Variants in HPN observed in about 807,000 individuals in gnomAD.
The protein encoded by HPN is serine protease hepsin.
In HPN, 13 loss-of-function variants were observed where a neutral mutation model predicts 55.9. That is an observed-to-expected ratio of 0.23 (90% CI 0.15 to 0.37). The LOEUF is 0.37. Among genes scored for constraint, HPN ranks in the 10% least tolerant of loss-of-function variants. HPN has a pLI of 1.00. For missense variants in HPN, 451 were observed against 575.8 expected (o/e 0.78, Z 2.22); for synonymous variants, 225 against 240.3 (o/e 0.94, Z 0.59).
chr19:35,040,763 A>G (rs2151749800), upstream of HPN, among the ~76,000 whole-genome samples: 1 of 151,958 alleles, frequency 6.6e-6, no homozygotes, highest in South Asian at 2.1e-4. Context: ...GGAAGGAGAG[A>G]CGGGTATGGA....
intron 4 of HPN, among the ~76,000 whole-genome samples, chr19:35,050,722 G>T: frequency 6.6e-6 from 1 of 152,048 alleles, no homozygotes; most frequent in South Asian, 2.1e-4. Context: ...TTCCATAAAG[G>T]ATTCAGTTCA....
chr19:35,063,297 G>T (rs536579010), intron 9 of HPN, among the ~76,000 whole-genome samples: 2 of 152,386 alleles, frequency 1.3e-5, no homozygotes, highest in African/African-American at 4.8e-5. Context: ...ACGCTGTGGT[G>T]ACGGAGAATC....
At chr19:35,045,971 T>G (rs756694736) in intron 2 of HPN, among the ~76,000 whole-genome samples, 1 of 152,182 alleles carries the variant, frequency 6.6e-6, no homozygotes, top group Non-Finnish European at 1.5e-5. Context: ...CCACCAGATG[T>G]GCCAAGGCCT....
chr19:35,049,864 T>TG (rs1448343652), intron 4 of HPN, among the ~76,000 whole-genome samples: 8 of 149,096 alleles, frequency 5.4e-5, no homozygotes, highest in African/African-American at 1.9e-4. Flanking sequence ...TTTGTTTGTT[T>TG]TTTTTTTTTT....
At chr19:35,052,005 G>T (rs2064410526) in intron 4 of HPN, among the ~76,000 whole-genome samples, 1 of 152,108 alleles carries the variant, frequency 6.6e-6, no homozygotes, top group Non-Finnish European at 1.5e-5. Flanking sequence ...CCTCACACTG[G>T]CTTCTAGCAC....
chr19:35,049,428 C>A lies in HPN; in HGVS notation c.118+37C>A, dbSNP rs2064380065. ...TCCTGTGCCTCTGACCTCCCCTGGC[C>A]CCTGCAGCCTCCAGCCTGCCTGCCC... On this transcript the variant is annotated intron_variant, in intron 3 of 12. Coordinates refer to ENST00000672452, the MANE Select transcript of HPN (RefSeq NM_001384133.1). 1.9e-6 allele frequency: 3 copies of A among 1,612,642 alleles called. No individual in the cohort carries two copies. In the South Asian group the frequency reaches 3.3e-5, roughly 18 times the overall value.
At chr19:35,048,335 TCTC>T (rs1220357972) in intron 2 of HPN, among the ~76,000 whole-genome samples, 1 of 152,206 alleles carries the variant, frequency 6.6e-6, no homozygotes, top group African/African-American at 2.4e-5. Flanking sequence ...TGACCCCACT[TCTC>T]TGAGCTATCT....
upstream of HPN, among the ~76,000 whole-genome samples, chr19:35,040,945 C>T (rs2064287431): frequency 2.0e-5 from 3 of 152,114 alleles, no homozygotes; most frequent in South Asian, 4.1e-4. Context: ...CAGCCGAGGC[C>T]GACTGTGTCC....
At chr19:35,059,528 T>C (rs1203203257) in intron 4 of HPN, 145 bp from the exon 5 acceptor site, 2 of 993,632 alleles carry the variant, frequency 2.0e-6, no homozygotes, top group Non-Finnish European at 1.5e-6. Context: ...CAATCGCAGA[T>C]GTGGGGGCTG....
At chr19:35,052,534 C>CAAAAAAAAAAA (rs5827918) in intron 4 of HPN, among the ~76,000 whole-genome samples, 1 of 84,562 alleles carries the variant, frequency 1.2e-5, no homozygotes. Flanking sequence ...GAGTCTGTCT[C>CAAAAAAAAAAA]AAAAAAAAAA....
At chr19:35,057,893 A>G (rs1337621203) in intron 4 of HPN, among the ~76,000 whole-genome samples, 1 of 152,044 alleles carries the variant, frequency 6.6e-6, no homozygotes, top group African/African-American at 2.4e-5. Context: ...GCTCACACCT[A>G]TAATCGCAGC....
intron 4 of HPN, among the ~76,000 whole-genome samples, chr19:35,055,408 A>AT (rs2064445198): frequency 6.6e-6 from 1 of 150,418 alleles, no homozygotes; most frequent in Non-Finnish European, 1.5e-5. Context: ...AAAAAGAAAA[A>AT]AAAAAGTGGC....
At chr19:35,065,794 G>A (rs1011458771) in intron 11 of HPN, 74 bp from the exon 12 acceptor site, 3 of 1,557,404 alleles carry the variant, frequency 1.9e-6, no homozygotes, top group Non-Finnish European at 2.6e-6. Context: ...TGGGGCCACA[G>A]CCCATGTCAT....
rs1243247456 is a variant in HPN at position 35,058,542 on chromosome 19, GTAT to G, written c.161-1127_161-1125del. 6.1e-3 allele frequency among the ~76,000 whole-genome samples: 886 copies of G among 145,136 alleles called. 2 individuals carry two copies. Among genetic ancestry groups the G allele is most frequent in the African/African-American group, 0.021 (821 of 39,836 alleles). ...AATATTATATTATAACAATATATTA[GTAT>G]TATATTCTAATAATATATTAATATT... On this transcript the variant is annotated intron_variant, in intron 4 of 12. Coordinates refer to ENST00000672452, the MANE Select transcript of HPN (RefSeq NM_001384133.1).
chr19:35,043,596 G>A (rs537012530), intron 2 of HPN, among the ~76,000 whole-genome samples: 2 of 152,344 alleles, frequency 1.3e-5, no homozygotes, highest in East Asian at 1.9e-4. Flanking sequence ...AGCACTGAGC[G>A]TGTTGGCTGA....
chr19:35,053,402 C>A (rs571800079), intron 4 of HPN, among the ~76,000 whole-genome samples: 1 of 152,136 alleles, frequency 6.6e-6, no homozygotes, highest in Non-Finnish European at 1.5e-5. Context: ...ATGAGGACCC[C>A]CCAGCTAGAG....
rs142785339 is a variant in HPN, at chr19:35,055,028, A to G, written c.161-4645A>G. Among the ~76,000 whole-genome samples, 68 of 152,274 alleles carry G rather than the reference A, an allele frequency of 4.5e-4. 1 individual carries two copies. The East Asian group carries it at 0.012, about 27-fold the overall frequency. ...GGCAGGAGGCTCTTGAGAAAAGGACAAAAAGACATGGTGGCTCACACCTGC... is the reference window on the plus strand; with the variant it reads ...GGCAGGAGGCTCTTGAGAAAAGGACGAAAAGACATGGTGGCTCACACCTGC... On this transcript the variant is annotated intron_variant, in intron 4 of 12. Transcript: ENST00000672452.
At chr19:35,043,444 G>T (rs914563809) in intron 2 of HPN, among the ~76,000 whole-genome samples, 1 of 152,194 alleles carries the variant, frequency 6.6e-6, no homozygotes, top group Non-Finnish European at 1.5e-5. Flanking sequence ...TCAGTCCTGG[G>T]CAGTAGCACT....
intron 2 of HPN, among the ~76,000 whole-genome samples, 155 bp downstream of exon 2, chr19:35,042,677 T>G (rs1008775672): frequency 6.6e-6 from 1 of 151,350 alleles, no homozygotes; most frequent in Non-Finnish European, 1.5e-5. Context: ...CCTGATTAAC[T>G]ATTAACCACA....
Sources: allele counts gnomAD v4.1 joint callset (sites outside exome capture counted in the v4.1 genomes callset), GRCh38; gene constraint gnomAD v4.1.1; transcripts MANE v1.5; gene names NCBI Gene and HGNC (gene_info 2026-07-23, HGNC 2026-07-21).